The following GRIK3 variants were observed in gnomAD, a reference collection of about 807,000 sequenced individuals.
GRIK3 encodes glutamate ionotropic receptor kainate type subunit 3.
In GRIK3, 29 loss-of-function variants were observed where a neutral mutation model predicts 102.5. The observed-to-expected ratio is 0.28, with a 90% CI of 0.21 to 0.39. The LOEUF is 0.39. Ranked by LOEUF, GRIK3 falls within the 10% of genes least tolerant of loss-of-function variation. The pLI, the probability that GRIK3 is intolerant of heterozygous loss-of-function variation, is 1.00. For synonymous variants in GRIK3, 511 were observed against 504.9 expected (o/e 1.01, Z -0.16); for missense variants, 908 against 1,252.4 (o/e 0.73, Z 4.15).
chr1:36,899,158 C>G (rs1641205554), intron 1 of GRIK3, among the ~76,000 whole-genome samples: 2 of 151,916 alleles, frequency 1.3e-5, no homozygotes, highest in Admixed American at 1.3e-4. Flanking sequence ...AAGGCACAGA[C>G]AAGAAAAGAA....
At chr1:36,949,850 A>T (rs1351266056) in intron 1 of GRIK3, among the ~76,000 whole-genome samples, 1 of 152,052 alleles carries the variant, frequency 6.6e-6, no homozygotes, top group African/African-American at 2.4e-5. Context: ...AAGTGCTGGG[A>T]CTACAGGCAT....
intron 1 of GRIK3, among the ~76,000 whole-genome samples, chr1:36,993,063 G>A (rs1297357658): frequency 6.6e-6 from 1 of 152,100 alleles, no homozygotes; most frequent in Non-Finnish European, 1.5e-5. Context: ...TATTAGGGTG[G>A]GGGTAAAGGG....
rs978817918 is a variant in GRIK3 at position 36,806,215 on chromosome 1, C to T, written c.2203G>A (p.Ala735Thr). 2 of 1,614,086 alleles carry T rather than the reference C, an allele frequency of 1.2e-6. No homozygotes were observed. The highest frequency in any genetic ancestry group is 1.7e-6 in the Non-Finnish European group (2 of 1,179,916). ...ATGGTGGTGGACTCCATGAGCAGCG[C>T]GTAGTCGGCCGTCAGGGCCCTCTGG... ...GIQRALTADY[A>T]LLMESTTIEY... The change falls in exon 14 of 16, where the codon GCG (alanine) becomes ACG (threonine). Residue 735 changes from alanine (A) to threonine (T), a missense_variant. By Grantham distance (58) the Ala-to-Thr change is moderately conservative. Around this residue, in one of 3 missense-constraint regions of GRIK3, gnomAD observed 297 missense variants for 362.7 expected, o/e 0.82. Coordinates refer to ENST00000373091, the MANE Select transcript of GRIK3 (RefSeq NM_000831.4). This position sits in a 1 kb window ranked among gnomAD's most constrained non-coding sequence, Gnocchi z 4.0.
chr1:37,022,815 T>G (rs1642729146), intron 1 of GRIK3, among the ~76,000 whole-genome samples: 1 of 152,258 alleles, frequency 6.6e-6, no homozygotes, highest in Non-Finnish European at 1.5e-5. Context: ...TCCTGCACTG[T>G]GCTAGAAGCA....
At chr1:36,858,033 T>C (rs1640673055) in intron 7 of GRIK3, among the ~76,000 whole-genome samples, 2 of 152,198 alleles carry the variant, frequency 1.3e-5, no homozygotes, top group Admixed American at 1.3e-4. Context: ...TCCGGCCCGC[T>C]GTGATTGTTA....
At chr1:36,868,559 T>A (rs1640810624) in intron 5 of GRIK3, among the ~76,000 whole-genome samples, 1 of 152,218 alleles carries the variant, frequency 6.6e-6, no homozygotes, top group Admixed American at 6.5e-5. Context: ...ATTTGCTCAC[T>A]TCCATTGTGT....
At chr1:36,988,557 C>T (rs1237630966) in intron 1 of GRIK3, among the ~76,000 whole-genome samples, 1 of 152,226 alleles carries the variant, frequency 6.6e-6, no homozygotes, top group African/African-American at 2.4e-5. Context: ...TTGGGATGTG[C>T]CCAGAGTTCC....
intron 9 of GRIK3, chr1:36,849,942 C>T: frequency 4.5e-6 from 1 of 222,644 alleles, no homozygotes; most frequent in Non-Finnish European, 9.0e-6. Flanking sequence ...GCACCCACCA[C>T]AGCTGGGGTG....
intron 1 of GRIK3, among the ~76,000 whole-genome samples, chr1:36,909,741 A>G (rs1641325471): frequency 6.6e-6 from 1 of 152,084 alleles, no homozygotes; most frequent in Admixed American, 6.5e-5. Flanking sequence ...GCTCAAATCT[A>G]ACCCCTAACT....
At chr1:36,915,171 A>G (rs1281047114) in intron 1 of GRIK3, among the ~76,000 whole-genome samples, 2 of 152,220 alleles carry the variant, frequency 1.3e-5, no homozygotes, top group African/African-American at 4.8e-5. Context: ...GATAAACAGT[A>G]GGGGAGACCT....
Position 36,801,873 on chromosome 1 carries a change from G to T in GRIK3, c.2738C>A (p.Ser913Tyr). The T allele has an allele frequency of 6.2e-7, 1 of 1,610,416 alleles. No homozygotes were observed. ...TGCCTAGGGGAACACAGGGGCTAAGGATGTGCTGCAGGCCATGCTGTCCTT... is the reference window on the plus strand; with the variant it reads ...TGCCTAGGGGAACACAGGGGCTAAGTATGTGCTGCAGGCCATGCTGTCCTT... ...PGKDSMACST[S>Y]LAPVFP The change falls in exon 16 of 16, where the codon TCC becomes TAC. Residue 913 changes from serine to tyrosine, a missense_variant. Transcript: ENST00000373091.
At position 37,003,666 on chromosome 1, in the gene GRIK3, C is replaced by A. The variant is rs575242697; in HGVS notation, c.115+30328G>T. On this transcript the variant is annotated intron_variant, in intron 1 of 15. Coordinates refer to ENST00000373091, the MANE Select transcript of GRIK3 (RefSeq NM_000831.4). The stretch of plus-strand genomic sequence containing the variant: ...CTGGCTACAAACCCATGTCTCTCCC[C>A]AAACTCATCTTGACCTCTCCTTAAC... Among the ~76,000 whole-genome samples the A allele has an allele frequency of 3.9e-5, 6 of 152,354 alleles. No individual in the cohort carries two copies. The South Asian group carries it at 1.2e-3, about 32-fold the overall frequency.
chr1:36,830,318 C>G (rs1314237247), intron 10 of GRIK3, among the ~76,000 whole-genome samples: 2 of 152,072 alleles, frequency 1.3e-5, no homozygotes, highest in Non-Finnish European at 2.9e-5. Context: ...CAACATTTTA[C>G]CACTCTACCA....
At chr1:37,003,670 C>T (rs1304312017) in intron 1 of GRIK3, among the ~76,000 whole-genome samples, 1 of 152,234 alleles carries the variant, frequency 6.6e-6, no homozygotes, top group Non-Finnish European at 1.5e-5. Flanking sequence ...TCTCCCCAAA[C>T]TCATCTTGAC....
chr1:36,811,477 T>A (rs1044363683), intron 13 of GRIK3, among the ~76,000 whole-genome samples: 11 of 152,220 alleles, frequency 7.2e-5, no homozygotes, highest in Admixed American at 7.2e-4. Context: ...GTCTATGGGC[T>A]GCACAGGCCT....
chr1:36,905,797 C>CA (rs1407792657), intron 1 of GRIK3, among the ~76,000 whole-genome samples: 1 of 151,634 alleles, frequency 6.6e-6, no homozygotes, highest in African/African-American at 2.4e-5. Context: ...AACAAACACA[C>CA]AAAAAACAAA....
At position 36,872,301 on chromosome 1, in the gene GRIK3, G is replaced by C. The variant is rs151015792; in HGVS notation, c.619C>G (p.Leu207Val). The change falls in exon 4 of 16, where the codon CTC (leucine) becomes GTC (valine). Residue 207 changes from leucine to valine, a missense_variant. Transcript: ENST00000373091. The surrounding 1 kb of genome is among the most constrained non-coding windows in gnomAD (Gnocchi z 5.9). Reference sequence around the variant, plus strand: ...CGCGAGTCGTCAGAGTCGATGGGGAGCTGACGGATCTTCAGGCGGATGTTG... The same window carrying C: ...CGCGAGTCGTCAGAGTCGATGGGGACCTGACGGATCTTCAGGCGGATGTTG... ...RYNIRLKIRQ[L>V]PIDSDDSRPL... 16 of 1,612,904 alleles carry C rather than the reference G, an allele frequency of 9.9e-6. No homozygotes were observed. In the African/African-American group the frequency reaches 2.1e-4, roughly 22 times the overall value.
chr1:36,974,883 T>C (rs541800051), intron 1 of GRIK3, among the ~76,000 whole-genome samples: 56 of 151,384 alleles, frequency 3.7e-4, no homozygotes, highest in African/African-American at 1.3e-3. Context: ...CTAAGTGAAA[T>C]AGGCAAAACA....
chr1:37,000,484 A>AGTT (rs1165630732), intron 1 of GRIK3, among the ~76,000 whole-genome samples: 1 of 152,196 alleles, frequency 6.6e-6, no homozygotes, highest in East Asian at 1.9e-4. Context: ...AGGAAAATGA[A>AGTT]GTTGAGAGAG....
Sources: allele counts gnomAD v4.1 joint callset (sites outside exome capture counted in the v4.1 genomes callset), GRCh38; gene constraint gnomAD v4.1.1; regional missense constraint gnomAD v4.1.1; non-coding constraint Gnocchi (gnomAD v3.1); transcripts MANE v1.5; gene names NCBI Gene and HGNC (gene_info 2026-07-23, HGNC 2026-07-21).